Variants in TM9SF3 observed in about 807,000 individuals in gnomAD.
The protein encoded by TM9SF3 is SM-11044-binding protein.
A neutral mutation model predicts 78.6 loss-of-function variants in TM9SF3; 14 were observed. That is an observed-to-expected ratio of 0.18 (90% CI 0.12 to 0.28). The LOEUF (loss-of-function observed/expected upper bound fraction) is 0.28, where lower values mean the gene tolerates loss of function less well. Among genes scored for constraint, TM9SF3 ranks in the 10% least tolerant of loss-of-function variants. TM9SF3 has a pLI of 1.00. For missense variants in TM9SF3, 496 were observed against 721.9 expected (o/e 0.69, Z 3.59); for synonymous variants, 231 against 241.7 (o/e 0.96, Z 0.41).
chr10:96,523,441 T>G (rs1460444455), intron 14 of TM9SF3, among the ~76,000 whole-genome samples: 2 of 151,760 alleles, frequency 1.3e-5, no homozygotes, highest in Non-Finnish European at 2.9e-5. Context: ...TACCAACTGG[T>G]TGATGAAAGG....
intron 7 of TM9SF3, among the ~76,000 whole-genome samples, chr10:96,550,545 C>T (rs976386363): frequency 7.2e-5 from 11 of 152,190 alleles, no homozygotes; most frequent in Non-Finnish European, 1.5e-4. Flanking sequence ...TAATCGCTAC[C>T]ACCCAGGCAC....
At chr10:96,546,776 G>T (rs1295333657) in intron 8 of TM9SF3, among the ~76,000 whole-genome samples, 1 of 152,136 alleles carries the variant, frequency 6.6e-6, no homozygotes, top group African/African-American at 2.4e-5. Flanking sequence ...CCTACGCTCC[G>T]ATTTCCTATA....
intron 3 of TM9SF3, among the ~76,000 whole-genome samples, chr10:96,563,931 T>C (rs1374982463): frequency 6.6e-6 from 1 of 151,802 alleles, no homozygotes; most frequent in Admixed American, 6.6e-5. Flanking sequence ...CCCAGGGCTA[T>C]AATAAATTTA....
At chr10:96,544,000 T>C in intron 9 of TM9SF3, 76 bp downstream of exon 9, 1 of 1,436,014 alleles carries the variant, frequency 7.0e-7, no homozygotes, top group Non-Finnish European at 9.4e-7. Flanking sequence ...TAATAAGAAG[T>C]ATTTTGGAGG....
chr10:96,575,798 C>T (rs1457343958), intron 2 of TM9SF3, among the ~76,000 whole-genome samples: 2 of 150,622 alleles, frequency 1.3e-5, no homozygotes, highest in Non-Finnish European at 3.0e-5. Context: ...ATTCAAAAAC[C>T]AAGACACCTA....
rs186289037 is a variant in TM9SF3, at chr10:96,552,867, C to T, written c.792+61G>A. 3.6e-6 allele frequency: 5 copies of T among 1,383,736 alleles called. No homozygotes were observed. The African/African-American group carries it at 7.5e-5, about 21-fold the overall frequency. 85.7% of individuals were successfully genotyped at this position (1,383,736 alleles called of 1,614,324 possible). A position where few individuals can be genotyped will look rare whatever the true frequency, so the allele number is the denominator to read the frequency against. On this transcript the variant is annotated intron_variant, in intron 6 of 14. Transcript: ENST00000371142. ...TAAGAAATTATGACCTACCTCCCAA[C>T]ATTTAAAACTTAACACTCAGTTAAA...
chr10:96,545,234 T>C (rs975551971), intron 8 of TM9SF3, among the ~76,000 whole-genome samples: 2 of 152,124 alleles, frequency 1.3e-5, no homozygotes, highest in African/African-American at 4.8e-5. Context: ...TGAATCACTA[T>C]CAAAATTCAA....
chr10:96,574,072 C>T (rs1011147666), intron 2 of TM9SF3, among the ~76,000 whole-genome samples: 1 of 152,098 alleles, frequency 6.6e-6, no homozygotes, highest in Admixed American at 6.6e-5. Flanking sequence ...AATAGACAAA[C>T]AGGATCTAAT....
At chr10:96,563,478 CA>C (rs1479330217) in intron 3 of TM9SF3, among the ~76,000 whole-genome samples, 1 of 152,076 alleles carries the variant, frequency 6.6e-6, no homozygotes, top group Non-Finnish European at 1.5e-5. Context: ...TGGGTTCAAG[CA>C]ATTCTTATGC....
At chr10:96,529,861 T>C (rs1236651420) in intron 11 of TM9SF3, among the ~76,000 whole-genome samples, 2 of 152,170 alleles carry the variant, frequency 1.3e-5, no homozygotes, top group East Asian at 3.8e-4. Context: ...CAATGACTGG[T>C]ATTTAGTGGA....
rs1474471407 is a variant in TM9SF3, at chr10:96,559,847, T to C, written c.583-111A>G. The C allele has an allele frequency of 5.0e-6, 3 of 597,784 alleles. No individual in the cohort carries two copies. The highest frequency in any genetic ancestry group is 3.3e-5 in the Admixed American group (1 of 30,616). The allele number at this position is 597,784 out of a possible 1,614,324, so 37.0% of individuals were successfully genotyped here. A position where few individuals can be genotyped will look rare whatever the true frequency, so the allele number is the denominator to read the frequency against. The stretch of plus-strand genomic sequence containing the variant: ...ACACACACTTAGAATTAAAATTCAC[T>C]AGAGAAATGGAGGAAAGTTACTTAC... On this transcript the variant is annotated intron_variant, in intron 4 of 14. Coordinates refer to ENST00000371142, the MANE Select transcript of TM9SF3 (RefSeq NM_020123.4).
intron 7 of TM9SF3, among the ~76,000 whole-genome samples, chr10:96,550,643 A>G (rs750233783): frequency 3.3e-5 from 5 of 152,230 alleles, no homozygotes; most frequent in Non-Finnish European, 4.4e-5. Flanking sequence ...ACTTTTTCAC[A>G]TAATTCAAAG....
At chr10:96,552,068 C>G (rs899220880) in intron 6 of TM9SF3, among the ~76,000 whole-genome samples, 1 of 152,054 alleles carries the variant, frequency 6.6e-6, no homozygotes, top group Non-Finnish European at 1.5e-5. Flanking sequence ...GGGGAGAATC[C>G]TAATCAGATA....
At chr10:96,545,777 T>C (rs1009777450) in intron 8 of TM9SF3, among the ~76,000 whole-genome samples, 21 of 152,186 alleles carry the variant, frequency 1.4e-4, no homozygotes, top group African/African-American at 5.1e-4. Flanking sequence ...TAATCCTAGC[T>C]ATTGAGCAGG....
Position 96,519,473 on chromosome 10 carries a change from C to T in TM9SF3, c.*2790G>A, listed in dbSNP as rs1847736978. On this transcript the variant is annotated 3_prime_UTR_variant, in exon 15 of 15. Transcript: ENST00000371142. ...CATCCCTCAGGCCATTACATTTCCA[C>T]CTTATCCTACTCTTGTATTAGGATA... is the stretch of plus-strand genomic sequence containing the variant. 6.6e-6 allele frequency: 1 copy of T among 151,982 alleles called. No homozygotes were observed. Among genetic ancestry groups the T allele is most frequent in the African/African-American group, 2.4e-5 (1 of 41,424 alleles). The allele number at this position is 151,982 out of a possible 1,614,324, so 9.4% of individuals were successfully genotyped here.
At chr10:96,531,279 AG>A (rs1216314323) in intron 10 of TM9SF3, among the ~76,000 whole-genome samples, 5 of 152,154 alleles carry the variant, frequency 3.3e-5, no homozygotes, top group African/African-American at 1.2e-4. Flanking sequence ...TGAGTCTCCC[AG>A]GAAGAGGTGG....
chr10:96,568,477 C>T lies in TM9SF3; in HGVS notation c.299-3051G>A, dbSNP rs542688664. ...TTAACCTTATTTTTCAAACAGAAAG[C>T]AAGGTTAGGTAGATTCTGGACACTA... On this transcript the variant is annotated intron_variant, in intron 2 of 14. Coordinates refer to ENST00000371142, the MANE Select transcript of TM9SF3 (RefSeq NM_020123.4). 2.0e-5 allele frequency among the ~76,000 whole-genome samples: 3 copies of T among 152,236 alleles called. No homozygotes were observed. In the East Asian group the frequency reaches 5.8e-4, roughly 29 times the overall value.
At position 96,586,930 on chromosome 10, in the gene TM9SF3, T is replaced by G; in HGVS notation, c.-95A>C. The G allele has an allele frequency of 2.0e-6, 2 of 1,013,398 alleles. No homozygotes were observed. The highest frequency in any genetic ancestry group is 2.4e-6 in the Non-Finnish European group (2 of 816,672). 62.8% of individuals were successfully genotyped at this position (1,013,398 alleles called of 1,614,324 possible). A position where few individuals can be genotyped will look rare whatever the true frequency, so the allele number is the denominator to read the frequency against. On this transcript the variant is annotated 5_prime_UTR_variant, in exon 1 of 15. It removes an upstream start codon present in the reference 5' UTR. Transcript: ENST00000371142. ...CCGCCTCCGCCGCGGCCGATTCGCATCCACGGGGCGCGGACAGACGCACGG... is the reference window on the plus strand; with the variant it reads ...CCGCCTCCGCCGCGGCCGATTCGCAGCCACGGGGCGCGGACAGACGCACGG...
At chr10:96,548,151 G>C (rs552849561) in intron 7 of TM9SF3, among the ~76,000 whole-genome samples, 162 bp from the exon 8 acceptor site, 5 of 152,284 alleles carry the variant, frequency 3.3e-5, no homozygotes, top group African/African-American at 1.2e-4. Flanking sequence ...TCTCTATAGT[G>C]AATGAATTTG....
Sources: gnomAD v4.1 joint callset for allele counts (sites outside exome capture counted in the v4.1 genomes callset) on GRCh38, gnomAD v4.1.1 for gene constraint, MANE v1.5 for transcripts, NCBI Gene and HGNC (gene_info 2026-07-23, HGNC 2026-07-21) for gene names.